The following SBNO1 variants were observed in gnomAD, a reference collection of about 807,000 sequenced individuals.
SBNO1 encodes protein strawberry notch homolog 1.
Under a neutral mutation model 173.6 loss-of-function variants are expected in SBNO1, and 23 were observed. The ratio of observed to expected loss-of-function variants is 0.13; its 90% confidence interval spans 0.10 to 0.19. The LOEUF (loss-of-function observed/expected upper bound fraction) is 0.19. Ranked by LOEUF, SBNO1 falls within the 10% of genes least tolerant of loss-of-function variation. The pLI, the probability that SBNO1 is intolerant of heterozygous loss-of-function variation, is 1.00. For synonymous variants in SBNO1, 632 were observed against 571.5 expected, an observed-to-expected ratio of 1.11 and a Z score of -1.51; for missense variants, 1,238 against 1,671.2, an observed-to-expected ratio of 0.74 and a Z score of 4.52.
intron 25 of SBNO1, 38 bp downstream of exon 25, chr12:123,311,017 G>A (rs763496950): frequency 2.2e-6 from 3 of 1,373,476 alleles, no homozygotes; most frequent in African/African-American, 1.4e-5. Context: ...TAATACTATA[G>A]CAACAGTTAT....
chr12:123,329,626 CT>C (rs1870981547), intron 9 of SBNO1, among the ~76,000 whole-genome samples: 1 of 152,018 alleles, frequency 6.6e-6, no homozygotes, highest in African/African-American at 2.4e-5. Context: ...CACTTACATC[CT>C]TTTAGTTCTG....
At chr12:123,299,923 A>T (rs1300857806) in intron 30 of SBNO1, among the ~76,000 whole-genome samples, 1 of 152,134 alleles carries the variant, frequency 6.6e-6, no homozygotes, top group Non-Finnish European at 1.5e-5. Context: ...AGATCCTGCC[A>T]GTTATTTCTA....
chr12:123,311,029 T>C lies in SBNO1; in HGVS notation c.3295+26A>G, dbSNP rs755946729. ...CTTTAATACTATAGCAACAGTTATA[T>C]GCCCACACAAAGCTAATAGTAGTAC... On this transcript the variant is annotated intron_variant, in intron 25 of 31. Coordinates refer to ENST00000602398, the MANE Select transcript of SBNO1 (RefSeq NM_001167856.3). The C allele has an allele frequency of 1.6e-5, 24 of 1,493,490 alleles. No individual in the cohort carries two copies. The South Asian group carries it at 2.3e-4, about 14-fold the overall frequency. The allele number at this position is 1,493,490 out of a possible 1,614,324, so 92.5% of individuals were successfully genotyped here.
In SBNO1 at chr12:123,338,622, T is replaced by G. The variant is rs369593986; in HGVS notation, c.652-2131A>C. Among the ~76,000 whole-genome samples, 83 of 147,662 alleles carry G rather than the reference T, an allele frequency of 5.6e-4. 2 individuals are homozygous for G. In the South Asian group the frequency reaches 0.016, roughly 29 times the overall value. ...ATTGCTTGAGCCCGGGAAGGGGAGG[T>G]TGCAGTGAGCCAAGACTGCACCAAT... On this transcript the variant is annotated intron_variant, in intron 5 of 31. Coordinates refer to ENST00000602398, the MANE Select transcript of SBNO1 (RefSeq NM_001167856.3).
intron 16 of SBNO1, 48 bp downstream of exon 16, chr12:123,323,632 G>A (rs769188011): frequency 3.7e-5 from 54 of 1,474,664 alleles, no homozygotes; most frequent in Non-Finnish European, 4.8e-5. Flanking sequence ...GGGATTACAG[G>A]TGTGAGCCAC....
At chr12:123,342,963 A>G (rs540815765) in intron 4 of SBNO1, among the ~76,000 whole-genome samples, 1 of 152,150 alleles carries the variant, frequency 6.6e-6, no homozygotes, top group Non-Finnish European at 1.5e-5. Flanking sequence ...TAAAGTATTA[A>G]CAGGCCAGGT....
chr12:123,347,222 G>GT (rs1873278845), intron 3 of SBNO1, among the ~76,000 whole-genome samples: 2 of 151,894 alleles, frequency 1.3e-5, no homozygotes, highest in Non-Finnish European at 2.9e-5. Flanking sequence ...TATTAATTAT[G>GT]CTTTTTTGTT....
At chr12:123,358,289 T>C (rs1874695218) in intron 1 of SBNO1, among the ~76,000 whole-genome samples, 3 of 152,218 alleles carry the variant, frequency 2.0e-5, no homozygotes, top group Non-Finnish European at 4.4e-5. Flanking sequence ...TGTGGCATCA[T>C]GTCAGTGCTG....
chr12:123,317,975 T>C (rs1566031952), intron 20 of SBNO1, among the ~76,000 whole-genome samples: 1 of 152,186 alleles, frequency 6.6e-6, no homozygotes, highest in South Asian at 2.1e-4. Context: ...ATATATATAT[T>C]TTTTGAGACA....
intron 13 of SBNO1, 107 bp downstream of exon 13, chr12:123,327,319 T>C (rs1275609033): frequency 5.4e-6 from 5 of 927,978 alleles, no homozygotes; most frequent in South Asian, 1.7e-5. Context: ...TGTTGTTTTA[T>C]AGTAGAAATA....
chr12:123,298,704 A>C (rs1032698611), intron 30 of SBNO1, among the ~76,000 whole-genome samples: 2 of 152,220 alleles, frequency 1.3e-5, no homozygotes, highest in Non-Finnish European at 2.9e-5. Flanking sequence ...GCCTCCCAAT[A>C]AAAAGGGTTG....
intron 1 of SBNO1, among the ~76,000 whole-genome samples, chr12:123,356,435 T>C (rs963598999): frequency 2.6e-5 from 4 of 152,172 alleles, no homozygotes; most frequent in African/African-American, 9.7e-5. Flanking sequence ...TACTAGTCTT[T>C]GGGTTTGTTT....
intron 29 of SBNO1, among the ~76,000 whole-genome samples, chr12:123,303,933 T>TC: frequency 7.2e-6 from 1 of 138,430 alleles, no homozygotes. Context: ...TTTTTTTTTT[T>TC]TTTTTTTTTT....
intron 13 of SBNO1, 38 bp from the exon 14 acceptor site, chr12:123,326,372 T>G (rs1228783938): frequency 1.5e-6 from 2 of 1,370,682 alleles, no homozygotes; most frequent in African/African-American, 2.9e-5. Flanking sequence ...CACTTCATCT[T>G]TGAGTCTAGT....
At chr12:123,326,990 GTTTGTTTTTGTTT>G (rs911037097) in intron 13 of SBNO1, among the ~76,000 whole-genome samples, 21 of 151,986 alleles carry the variant, frequency 1.4e-4, no homozygotes, top group South Asian at 2.1e-4. Context: ...TAACTCATCT[GTTTGTTTTTGTTT>G]TTTGTTTTTG....
intron 8 of SBNO1, among the ~76,000 whole-genome samples, chr12:123,330,767 A>G (rs1871120572): frequency 6.6e-6 from 1 of 151,936 alleles, no homozygotes; most frequent in African/African-American, 2.4e-5. Context: ...AAGAGCCCGT[A>G]TCTACAAAAA....
chr12:123,314,334 A>ATT lies in SBNO1; in HGVS notation c.3121-617_3121-616dup, dbSNP rs34716075. ...GGTGCCCGCCACCATGCCCAACTAA[A>ATT]TTTTTTTTTTCTTTGAGACGGAGTC... On this transcript the variant is annotated intron_variant, in intron 23 of 31. Transcript: ENST00000602398. Among the ~76,000 whole-genome samples, 10 of 147,836 alleles carry ATT rather than the reference A, an allele frequency of 6.8e-5. 1 individual carries two copies. The highest frequency in any genetic ancestry group is 2.7e-4 in the Admixed American group (4 of 14,688).
intron 1 of SBNO1, among the ~76,000 whole-genome samples, chr12:123,359,342 C>T (rs372182714): frequency 5.3e-5 from 8 of 151,742 alleles, no homozygotes; most frequent in Admixed American, 2.0e-4. Flanking sequence ...GCCAGGAGTT[C>T]GAGACCAGCC....
intron 25 of SBNO1, 54 bp downstream of exon 25, chr12:123,311,001 G>T: frequency 8.0e-7 from 1 of 1,253,570 alleles, no homozygotes; most frequent in Non-Finnish European, 1.2e-6. Flanking sequence ...ATATCATAAT[G>T]GACTTTAATA....
Sources: allele counts gnomAD v4.1 joint callset (sites outside exome capture counted in the v4.1 genomes callset), GRCh38; gene constraint gnomAD v4.1.1; transcripts MANE v1.5; gene names NCBI Gene and HGNC (gene_info 2026-07-23, HGNC 2026-07-21).